Variants in RALYL observed in about 807,000 individuals in gnomAD.
RALYL encodes the protein RNA-binding Raly-like protein.
Under a neutral mutation model 35.1 loss-of-function variants are expected in RALYL, and 29 were observed. That is an observed-to-expected ratio of 0.83 (90% CI 0.61 to 1.13). The LOEUF is 1.13. Among genes scored for constraint, RALYL ranks in the 50% most tolerant of loss-of-function variants. RALYL has a pLI of 0.00. For missense variants in RALYL, 359 were observed against 360.4 expected (o/e 1.00, Z 0.03); for synonymous variants, 120 against 127.6 (o/e 0.94, Z 0.40).
intron 1 of RALYL, among the ~76,000 whole-genome samples, chr8:84,443,339 TA>T (rs2048527267): frequency 6.6e-6 from 1 of 152,132 alleles, no homozygotes; most frequent in Non-Finnish European, 1.5e-5. Flanking sequence ...CCTAGTTACG[TA>T]AAAAACTCCA....
chr8:84,196,160 T>C (rs1458671388), intron 1 of RALYL, among the ~76,000 whole-genome samples: 4 of 152,256 alleles, frequency 2.6e-5, no homozygotes, highest in Non-Finnish European at 5.9e-5. Flanking sequence ...TATTTTGTTT[T>C]ATTCTGAACC....
intron 2 of RALYL, among the ~76,000 whole-genome samples, chr8:84,534,712 A>C (rs566315744): frequency 6.6e-6 from 1 of 152,250 alleles, no homozygotes; most frequent in Non-Finnish European, 1.5e-5. Flanking sequence ...AGAAGAGAAC[A>C]GGGAGAAGAA....
Position 84,526,091 on chromosome 8 carries a change from T to C in RALYL, c.-23-3208T>C, listed in dbSNP as rs1323222452. 4.0e-5 allele frequency among the ~76,000 whole-genome samples: 6 copies of C among 151,662 alleles called. No individual in the cohort carries two copies. In the East Asian group the frequency reaches 9.7e-4, roughly 25 times the overall value. ...CTCAGCCTTCCGAGTAGCTGGGATT[T>C]ACAGGTGTGCACCACCACACTTGGC... On this transcript the variant is annotated intron_variant, in intron 1 of 8. Transcript: ENST00000521268.
At chr8:84,321,619 C>G (rs1402693652) in intron 1 of RALYL, among the ~76,000 whole-genome samples, 2 of 152,078 alleles carry the variant, frequency 1.3e-5, no homozygotes, top group African/African-American at 4.8e-5. Flanking sequence ...ACAGCCCACT[C>G]TATCTTTTCT....
At chr8:84,754,714 T>TC (rs35375265) in intron 2 of RALYL, among the ~76,000 whole-genome samples, 41,020 of 151,900 alleles carry the variant, frequency 0.27, 5,938 homozygotes, top group African/African-American at 0.35. Context: ...ACTTTTCACA[T>TC]CCAATACCTC....
intron 6 of RALYL, among the ~76,000 whole-genome samples, chr8:84,869,179 A>G (rs1444400959): frequency 2.0e-5 from 3 of 152,162 alleles, no homozygotes; most frequent in African/African-American, 7.2e-5. Flanking sequence ...TGCATGGCAC[A>G]ATAAAAAATA....
At chr8:84,715,413 T>C (rs1278446870) in intron 2 of RALYL, among the ~76,000 whole-genome samples, 3 of 151,924 alleles carry the variant, frequency 2.0e-5, no homozygotes, top group Non-Finnish European at 4.4e-5. Context: ...AATTAAAATA[T>C]GAACATTGAG....
chr8:84,619,684 A>G (rs1820814282), intron 2 of RALYL, among the ~76,000 whole-genome samples: 1 of 149,622 alleles, frequency 6.7e-6, no homozygotes, highest in African/African-American at 2.5e-5. Flanking sequence ...GTTACTTCCT[A>G]GTCTCGATGG....
At chr8:84,845,995 A>G (rs1264912730) in intron 4 of RALYL, among the ~76,000 whole-genome samples, 3 of 151,940 alleles carry the variant, frequency 2.0e-5, no homozygotes, top group Admixed American at 6.6e-5. Context: ...CCATTGGTCT[A>G]TTGTCTATTT....
At chr8:84,666,159 A>AG (rs913918277) in intron 2 of RALYL, among the ~76,000 whole-genome samples, 4 of 152,008 alleles carry the variant, frequency 2.6e-5, no homozygotes, top group African/African-American at 9.7e-5. Flanking sequence ...TCTTGCATGA[A>AG]GAGTCAGCTT....
At chr8:84,290,113 T>G (rs548129490) in intron 1 of RALYL, among the ~76,000 whole-genome samples, 1 of 152,330 alleles carries the variant, frequency 6.6e-6, no homozygotes, top group East Asian at 1.9e-4. Context: ...AATATTTTAC[T>G]GTATACATCA....
intron 2 of RALYL, among the ~76,000 whole-genome samples, chr8:84,563,917 C>G (rs1012659636): frequency 3.3e-5 from 5 of 151,580 alleles, no homozygotes; most frequent in African/African-American, 1.2e-4. Context: ...TCAGGAGTTT[C>G]TAGAATGTTG....
intron 1 of RALYL, among the ~76,000 whole-genome samples, chr8:84,253,571 T>C (rs1051946188): frequency 6.6e-5 from 10 of 152,030 alleles, no homozygotes; most frequent in South Asian, 4.1e-4. Flanking sequence ...GAATAGTAAT[T>C]GATTGAGAAA....
intron 1 of RALYL, among the ~76,000 whole-genome samples, chr8:84,487,719 A>T (rs2054810438): frequency 6.6e-6 from 1 of 152,122 alleles, no homozygotes. Flanking sequence ...AAAGCCTAGA[A>T]TTTAAACTAT....
intron 4 of RALYL, among the ~76,000 whole-genome samples, chr8:84,823,366 T>C (rs1828928981): frequency 6.6e-6 from 1 of 152,050 alleles, no homozygotes; most frequent in Non-Finnish European, 1.5e-5. Context: ...AAAATAAAAA[T>C]GAACAGACAT....
At chr8:84,655,028 A>G (rs1367286373) in intron 2 of RALYL, among the ~76,000 whole-genome samples, 1 of 152,064 alleles carries the variant, frequency 6.6e-6, no homozygotes, top group Non-Finnish European at 1.5e-5. Flanking sequence ...TGTTCTTCAT[A>G]GTGGATTGTT....
chr8:84,646,660 T>C (rs1338653159), intron 2 of RALYL, among the ~76,000 whole-genome samples: 2 of 152,098 alleles, frequency 1.3e-5, no homozygotes, highest in Admixed American at 6.6e-5. Flanking sequence ...TAATTTCTTT[T>C]ATGAATGGTG....
chr8:84,731,428 GC>G (rs1450729811), intron 2 of RALYL, among the ~76,000 whole-genome samples: 2 of 152,106 alleles, frequency 1.3e-5, no homozygotes, highest in Non-Finnish European at 2.9e-5. Context: ...CAGAGAGGCA[GC>G]ATACATATTG....
chr8:84,592,884 T>G (rs1813610330), intron 2 of RALYL, among the ~76,000 whole-genome samples: 1 of 152,178 alleles, frequency 6.6e-6, no homozygotes, highest in African/African-American at 2.4e-5. Flanking sequence ...TGCCCACTAA[T>G]AGATAAAGTT....
Sources: allele counts gnomAD v4.1 joint callset (sites outside exome capture counted in the v4.1 genomes callset), GRCh38; gene constraint gnomAD v4.1.1; transcripts MANE v1.5; gene names NCBI Gene and HGNC (gene_info 2026-07-23, HGNC 2026-07-21).